The following ANKRD11 variants were observed in gnomAD, a reference collection of about 807,000 sequenced individuals.
The protein encoded by ANKRD11 is ankyrin repeat domain 11.
ANKRD11 carries 17 observed loss-of-function variants against 195.7 expected under a neutral mutation model. The ratio of observed to expected loss-of-function variants is 0.09; its 90% CI spans 0.06 to 0.13. The LOEUF is 0.13. Ranked by LOEUF, ANKRD11 falls within the 10% of genes least tolerant of loss-of-function variation. The probability of loss-of-function intolerance (pLI) is 1.00; values close to 1 mark genes in which losing one functional copy is unlikely to be tolerated. For missense variants in ANKRD11, 3,735 were observed against 3,566.1 expected, an observed-to-expected ratio of 1.05 and a Z score of -1.21; for synonymous variants, 1,953 against 1,528.1, an observed-to-expected ratio of 1.28 and a Z score of -6.49.
intron 12 of ANKRD11, chr16:89,270,600 CGG>C: frequency 3.3e-6 from 2 of 600,184 alleles, no homozygotes; most frequent in Admixed American, 2.5e-5. Flanking sequence ...CCCTGCACAC[CGG>C]GACAGAAGGG....
chr16:89,317,949 G>T (rs998405363), intron 2 of ANKRD11, among the ~76,000 whole-genome samples: 1 of 152,126 alleles, frequency 6.6e-6, no homozygotes, highest in Non-Finnish European at 1.5e-5. Flanking sequence ...GCAGAGCCAG[G>T]TAAAGGAAAC....
chr16:89,451,434 C>G (rs1186982394), intron 1 of ANKRD11, among the ~76,000 whole-genome samples: 2 of 88,568 alleles, frequency 2.3e-5, no homozygotes, highest in African/African-American at 7.8e-5. Flanking sequence ...TTTTTTGAGA[C>G]GAAGCCTCAC....
intron 2 of ANKRD11, among the ~76,000 whole-genome samples, chr16:89,364,856 G>C (rs1221412913): frequency 6.6e-6 from 1 of 152,198 alleles, no homozygotes; most frequent in African/African-American, 2.4e-5. Context: ...TCCCACTGCA[G>C]ATGTTCCAAC....
intron 3 of ANKRD11, among the ~76,000 whole-genome samples, chr16:89,305,680 AG>A: frequency 5.1e-5 from 2 of 39,338 alleles, no homozygotes; most frequent in African/African-American, 1.7e-4. Context: ...CCCACTCCGC[AG>A]ACACGCGCCA....
rs574262294 is a variant in ANKRD11 at position 89,304,165 on chromosome 16, G to A, written c.226+1041C>T. On this transcript the variant is annotated intron_variant, in intron 4 of 12. Coordinates refer to ENST00000301030, the MANE Select transcript of ANKRD11 (RefSeq NM_013275.6). Reference sequence around the variant, plus strand: ...AGCACGGCCAGCGCAGAGGCCTCTGGGCTCCCTGCAAGCAGCTCAAGACAG... The same window carrying A: ...AGCACGGCCAGCGCAGAGGCCTCTGAGCTCCCTGCAAGCAGCTCAAGACAG... 2.6e-5 allele frequency among the ~76,000 whole-genome samples: 4 copies of A among 152,328 alleles called. No individual in the cohort carries two copies. The South Asian group carries it at 8.3e-4, about 32-fold the overall frequency.
At chr16:89,292,236 G>A (rs991580155) in intron 4 of ANKRD11, among the ~76,000 whole-genome samples, 10 of 152,158 alleles carry the variant, frequency 6.6e-5, no homozygotes, top group African/African-American at 2.4e-4. Flanking sequence ...CTTCCATTCA[G>A]CACTCCCAAG....
chr16:89,488,048 C>T (rs569171356), intron 1 of ANKRD11, among the ~76,000 whole-genome samples: 2 of 152,040 alleles, frequency 1.3e-5, no homozygotes, highest in Non-Finnish European at 2.9e-5. Flanking sequence ...CAAATGAGAG[C>T]TGCAAAAGAG....
chr16:89,290,640 C>T lies in ANKRD11; in HGVS notation c.586G>A (p.Val196Ile). The change falls in exon 6 of 13, where the codon GTC (valine) becomes ATC (isoleucine). Residue 196 changes from valine to isoleucine, a missense_variant. Coordinates refer to ENST00000301030, the MANE Select transcript of ANKRD11 (RefSeq NM_013275.6). ...GGGTGCCCACCTGCGAAGTCCTTGA[C>T]GTTGACGTCTGCCCCCTCGCTGATG... ...ELISEGADVN[V>I]KDFAGWTALH... 1 of 1,613,162 alleles carries T rather than the reference C, an allele frequency of 6.2e-7. No homozygotes were observed.
In ANKRD11 at chr16:89,376,173, T is replaced by C. The variant is rs115548589; in HGVS notation, c.-60+42111A>G. On this transcript the variant is annotated intron_variant, in intron 2 of 12. Transcript: ENST00000301030. ...TATATGAAAATGTGTGGGTGCAGGA[T>C]TGCTATAAGAAAGGCAAATACCAAT... is the stretch of plus-strand genomic sequence containing the variant. Among the ~76,000 whole-genome samples, 739 of 152,284 alleles carry C rather than the reference T, an allele frequency of 4.9e-3. 4 individuals are homozygous for C. Among genetic ancestry groups the C allele is most frequent in the African/African-American group, 0.017 (706 of 41,546 alleles).
rs1003261280 is a variant in ANKRD11, at chr16:89,463,309, T to G, written c.-145+26936A>C. 5.3e-5 allele frequency among the ~76,000 whole-genome samples: 8 copies of G among 152,192 alleles called. No homozygotes were observed. The South Asian group carries it at 6.2e-4, about 12-fold the overall frequency. On this transcript the variant is annotated intron_variant, in intron 1 of 12. Transcript: ENST00000301030. ...TAGAAAGAAGTAGACATGGGAGACTTTTCATTTTGTTCTGTACTAAGAAAA... is the reference window on the plus strand; with the variant it reads ...TAGAAAGAAGTAGACATGGGAGACTGTTCATTTTGTTCTGTACTAAGAAAA...
At chr16:89,443,071 C>T (rs773711115) in intron 1 of ANKRD11, among the ~76,000 whole-genome samples, 2 of 152,150 alleles carry the variant, frequency 1.3e-5, no homozygotes, top group South Asian at 2.1e-4. Context: ...TGGCTCACTG[C>T]GACCTCTGCC....
intron 1 of ANKRD11, among the ~76,000 whole-genome samples, chr16:89,470,681 T>C (rs1354379905): frequency 6.6e-6 from 1 of 151,968 alleles, no homozygotes; most frequent in Non-Finnish European, 1.5e-5. Context: ...CAGTCTCTAC[T>C]AAAAATACAA....
At chr16:89,272,334 G>C (rs2033234249) in intron 11 of ANKRD11, 1 of 152,238 alleles carries the variant, frequency 6.6e-6, no homozygotes, top group South Asian at 2.1e-4. Context: ...GAACAGTTTG[G>C]CGTTTCCTCA....
chr16:89,418,403 A>T (rs1231530961), intron 1 of ANKRD11, 35 bp from the exon 2 acceptor site: 2 of 424,392 alleles, frequency 4.7e-6, no homozygotes, highest in African/African-American at 4.1e-5. Flanking sequence ...TCATGTCAAT[A>T]ATAATTTCAG....
At chr16:89,407,852 C>CAAA (rs60723753) in intron 2 of ANKRD11, among the ~76,000 whole-genome samples, 24 of 111,298 alleles carry the variant, frequency 2.2e-4, no homozygotes, top group East Asian at 2.6e-4. Context: ...TGTCTCCCTC[C>CAAA]AAAAAAAAAA....
Position 89,288,654 on chromosome 16 carries a change from G to A in ANKRD11, c.618C>T (p.His206=), listed in dbSNP as rs556790586. 8.7e-6 allele frequency: 14 copies of A among 1,613,962 alleles called. No individual in the cohort carries two copies. The highest frequency in any genetic ancestry group is 4.0e-5 in the African/African-American group (3 of 74,926). The change falls in exon 7 of 13, where the codon CAC becomes CAT. Residue 206 remains histidine, a synonymous_variant. Transcript: ENST00000301030. ...CGTAGTAGCCCCGGTTACAGGCCTCGTGCAGCGCCGTCCAGCCTGGAAACA... is the reference window on the plus strand; with the variant it reads ...CGTAGTAGCCCCGGTTACAGGCCTCATGCAGCGCCGTCCAGCCTGGAAACA... ...VKDFAGWTAL[H]EACNRGYYDV... is the part of the protein sequence containing the mutation.
At chr16:89,305,669 TCCCA>T (rs1567615128) in intron 3 of ANKRD11, among the ~76,000 whole-genome samples, 729 of 37,706 alleles carry the variant, frequency 0.019, 13 homozygotes, top group African/African-American at 0.062. Context: ...ACGCGCTACC[TCCCA>T]CTCCGCAGAC....
In ANKRD11 at chr16:89,326,597, T is replaced by C. The variant is rs1467954615; in HGVS notation, c.-59-9519A>G. ...CTTTACAAAAATATCAAAAAATTAA[T>C]CAGTCGAGGTGGCACGCACCTGTAA... On this transcript the variant is annotated intron_variant, in intron 2 of 12. Coordinates refer to ENST00000301030, the MANE Select transcript of ANKRD11 (RefSeq NM_013275.6). Among the ~76,000 whole-genome samples the C allele has an allele frequency of 2.0e-5, 3 of 151,746 alleles. No individual in the cohort carries two copies. The East Asian group carries it at 5.8e-4, about 29-fold the overall frequency.
At position 89,291,934 on chromosome 16, in the gene ANKRD11, A is replaced by AGAGGCAG. The variant is rs1253511927; in HGVS notation, c.227-758_227-752dup. The AGAGGCAG allele has an allele frequency of 2.3e-6, 1 of 441,880 alleles. No homozygotes were observed. The highest frequency in any genetic ancestry group is 1.8e-5 in the South Asian group (1 of 56,726). 27.4% of individuals were successfully genotyped at this position (441,880 alleles called of 1,614,324 possible). ...CAACTCACGTGCTGTGTCTTTTAAA[A>AGAGGCAG]GAGGCAGGAGGCAGGGGCGGGGAAG... On this transcript the variant is annotated intron_variant, in intron 4 of 12. Coordinates refer to ENST00000301030, the MANE Select transcript of ANKRD11 (RefSeq NM_013275.6). The surrounding 1 kb of genome is among the most constrained non-coding windows in gnomAD (Gnocchi z 5.3).
Sources: allele counts gnomAD v4.1 joint callset (sites outside exome capture counted in the v4.1 genomes callset), GRCh38; gene constraint gnomAD v4.1.1; non-coding constraint Gnocchi (gnomAD v3.1); transcripts MANE v1.5; gene names NCBI Gene and HGNC (gene_info 2026-07-23, HGNC 2026-07-21).